CCDC18: variants seen among roughly 807,000 people sequenced by gnomAD.
CCDC18 encodes the protein coiled-coil domain containing 18, also known as coiled-coil domain-containing protein 18.
A neutral mutation model predicts 196.0 loss-of-function variants in CCDC18; 157 were observed. That is an observed-to-expected ratio of 0.80 (90% CI 0.70 to 0.91). The LOEUF is 0.91. CCDC18 is among the 40% of genes least tolerant of loss of function. The probability of loss-of-function intolerance (pLI) is 0.00; values close to 1 mark genes in which losing one functional copy is unlikely to be tolerated. For missense variants in CCDC18, 1,465 were observed against 1,611.6 expected (o/e 0.91, Z 1.56); for synonymous variants, 482 against 529.2 (o/e 0.91, Z 1.22).
chr1:93,203,980 G>C (rs1340058203), intron 7 of CCDC18, among the ~76,000 whole-genome samples: 2 of 152,074 alleles, frequency 1.3e-5, no homozygotes, highest in Non-Finnish European at 2.9e-5. Flanking sequence ...GAAAGGGAGG[G>C]GGTAGAGGTA....
At chr1:93,249,192 G>A (rs141824886) in intron 23 of CCDC18, among the ~76,000 whole-genome samples, 1 of 152,066 alleles carries the variant, frequency 6.6e-6, no homozygotes, top group Non-Finnish European at 1.5e-5. Context: ...TTCAATCTCA[G>A]TAGGTTGTGT....
At chr1:93,192,859 T>G (rs1427137102) in intron 5 of CCDC18, among the ~76,000 whole-genome samples, 2 of 152,224 alleles carry the variant, frequency 1.3e-5, no homozygotes, top group Non-Finnish European at 2.9e-5. Flanking sequence ...AGTAGTAGCA[T>G]CACCTGGGAA....
intron 18 of CCDC18, among the ~76,000 whole-genome samples, chr1:93,233,855 C>T (rs1015593307): frequency 7.2e-5 from 11 of 152,186 alleles, no homozygotes; most frequent in Non-Finnish European, 1.3e-4. Context: ...CTTGGGCCTC[C>T]CAAAGTGCTG....
chr1:93,215,527 G>A (rs1656349331), intron 12 of CCDC18, among the ~76,000 whole-genome samples: 1 of 150,938 alleles, frequency 6.6e-6, no homozygotes, highest in Non-Finnish European at 1.5e-5. Context: ...TGTGATCATA[G>A]CTCACTGTAG....
At position 93,258,872 on chromosome 1, in the gene CCDC18, C is replaced by A; in HGVS notation, c.3671C>A (p.Ala1224Asp). The change falls in exon 26 of 29, where the codon GCT becomes GAT. Residue 1224 changes from alanine to aspartate, a missense_variant. Transcript: ENST00000690025. ...GCAGAAGTAGAATCTCTCAAAGAAG[C>A]TTATCATATGGAGGTAAAGAAAAAT... is the stretch of plus-strand genomic sequence containing the variant. ...LSAEVESLKE[A>D]YHMEMISHQE... is the part of the protein sequence containing the mutation. 6.3e-7 allele frequency: 1 copy of A among 1,592,256 alleles called. No individual in the cohort carries two copies. The highest frequency in any genetic ancestry group is 8.5e-7 in the Non-Finnish European group (1 of 1,171,354).
chr1:93,184,400 T>C (rs917991445), intron 3 of CCDC18, among the ~76,000 whole-genome samples: 1 of 151,962 alleles, frequency 6.6e-6, no homozygotes, highest in South Asian at 2.1e-4. Context: ...ATTACCTTTT[T>C]GCAGTTAAAT....
rs538195180 is a variant in CCDC18, at chr1:93,202,144, A to C, written c.795+156A>C. Among the ~76,000 whole-genome samples, 3 of 152,360 alleles carry C rather than the reference A, an allele frequency of 2.0e-5. No homozygotes were observed. In the South Asian group the frequency reaches 6.2e-4, roughly 32 times the overall value. On this transcript the variant is annotated intron_variant, in intron 7 of 28. Coordinates refer to ENST00000690025, the MANE Select transcript of CCDC18 (RefSeq NM_001378204.1). Reference sequence around the variant, plus strand: ...ATAAACAATTTGTAAATGTTAGTTAAGGATGATGTTCACCAACCCTTTTAT... The same window carrying C: ...ATAAACAATTTGTAAATGTTAGTTACGGATGATGTTCACCAACCCTTTTAT...
In CCDC18 at chr1:93,274,935, TCTA is replaced by T. The variant is rs547613676; in HGVS notation, c.4354-3525_4354-3523del. Among the ~76,000 whole-genome samples the T allele has an allele frequency of 7.2e-5, 11 of 152,316 alleles. No individual in the cohort carries two copies. The East Asian group carries it at 2.1e-3, about 29-fold the overall frequency. On this transcript the variant is annotated intron_variant, in intron 28 of 28. Transcript: ENST00000690025. ...TAGTTTTCTTGATTGTCAATGATAC[TCTA>T]CTGAGTTTTAAATGCATTGACCACT...
At chr1:93,256,634 G>A in intron 25 of CCDC18, 96 bp downstream of exon 25, 1 of 970,382 alleles carries the variant, frequency 1.0e-6, no homozygotes, top group Non-Finnish European at 1.6e-6. Flanking sequence ...AAAATGAACT[G>A]TATTGCACAA....
At chr1:93,232,353 C>A in intron 17 of CCDC18, 73 bp from the exon 18 acceptor site, 1 of 875,580 alleles carries the variant, frequency 1.1e-6, no homozygotes. Flanking sequence ...ATAAGGAGGA[C>A]AGCTTTGACA....
Position 93,270,368 on chromosome 1 carries a change from C to T in CCDC18, c.3907C>T (p.Gln1303Ter), listed in dbSNP as rs768056787. The change falls in exon 28 of 29, where the codon CAG becomes TAG. Residue 1303 changes from glutamine to a stop codon, truncating the protein, a stop_gained. Coordinates refer to ENST00000690025, the MANE Select transcript of CCDC18 (RefSeq NM_001378204.1). LOFTEE classifies it high-confidence loss of function. The stretch of plus-strand genomic sequence containing the variant: ...GCAGGAATCAGAATTAACCAGATTA[C>T]AGGCCAAAATTTCTGGACATGAAAA... ...LTKESELTRL[Q>*]AKISGHEKAE... The T allele has an allele frequency of 1.8e-5, 28 of 1,548,310 alleles. No homozygotes were observed. The highest frequency in any genetic ancestry group is 1.7e-5 in the Non-Finnish European group (20 of 1,145,418).
chr1:93,256,679 A>G, intron 25 of CCDC18, 141 bp downstream of exon 25: 2 of 703,200 alleles, frequency 2.8e-6, no homozygotes, highest in South Asian at 2.0e-5. Flanking sequence ...CGAATTATAC[A>G]CTTAAAAATG....
At chr1:93,234,833 A>T (rs937326598) in intron 18 of CCDC18, among the ~76,000 whole-genome samples, 1 of 137,428 alleles carries the variant, frequency 7.3e-6, no homozygotes, top group Non-Finnish European at 1.6e-5. Flanking sequence ...CCCAGGCTGG[A>T]GTGCAGTGAC....
chr1:93,271,009 AAG>A (rs1197260075), intron 28 of CCDC18, 195 bp downstream of exon 28: 3 of 984,082 alleles, frequency 3.0e-6, no homozygotes, highest in Non-Finnish European at 3.6e-6. Flanking sequence ...AATACGGGGA[AAG>A]AGAGAGGCAG....
chr1:93,180,584 C>T (rs911516517), upstream of CCDC18: 4 of 1,393,514 alleles, frequency 2.9e-6, no homozygotes, highest in African/African-American at 1.5e-5. Context: ...AATGTAGTCC[C>T]GGGCGGGCTC....
chr1:93,267,246 C>T (rs1664650727), intron 27 of CCDC18, among the ~76,000 whole-genome samples: 1 of 152,104 alleles, frequency 6.6e-6, no homozygotes, highest in African/African-American at 2.4e-5. Context: ...ATTCAACAGC[C>T]CTTCATGCTA....
intron 6 of CCDC18, among the ~76,000 whole-genome samples, chr1:93,196,691 T>C (rs1037859437): frequency 2.0e-5 from 3 of 152,244 alleles, no homozygotes; most frequent in African/African-American, 7.2e-5. Context: ...ACAATTAATA[T>C]TCTTGATCTA....
In CCDC18 at chr1:93,226,336, A is replaced by G; in HGVS notation, c.2179A>G (p.Arg727Gly). 8.4e-7 allele frequency: 1 copy of G among 1,183,926 alleles called. No individual in the cohort carries two copies. The highest frequency in any genetic ancestry group is 1.2e-6 in the Non-Finnish European group (1 of 839,600). The allele number at this position is 1,183,926 out of a possible 1,614,324, so 73.3% of individuals were successfully genotyped here. A position where few individuals can be genotyped will look rare whatever the true frequency, so the allele number is the denominator to read the frequency against. Residue 727 changes from arginine to glycine, a missense_variant, in exon 17 of 29, where the codon AGG becomes GGG. Physicochemically the swap from Arg to Gly is moderately radical, Grantham distance 125. Transcript: ENST00000690025. ...TTTTGCTTTTTTTCCTGCTTAGGTT[A>G]GGCAACTAGATTCAGCATTGGAAAT... ...NQVSEETIKV[R>G]QLDSALEICK...
At chr1:93,180,057 G>A, upstream of CCDC18, 1 of 1,612,720 alleles carries the variant, frequency 6.2e-7, no homozygotes, top group Non-Finnish European at 8.5e-7. Flanking sequence ...CACTTACTTG[G>A]TACTCGATCT....
Sources: gnomAD v4.1 joint callset for allele counts (sites outside exome capture counted in the v4.1 genomes callset) on GRCh38, gnomAD v4.1.1 for gene constraint, MANE v1.5 for transcripts, NCBI Gene and HGNC (gene_info 2026-07-23, HGNC 2026-07-21) for gene names.